The following RANBP2 variants were observed in gnomAD, a reference collection of about 807,000 sequenced individuals.
RANBP2 encodes E3 SUMO-protein ligase RanBP2.
Under a neutral mutation model 303.6 loss-of-function variants are expected in RANBP2, and 57 were observed. That is an observed-to-expected ratio of 0.19 (90% confidence interval 0.15 to 0.23). The LOEUF is 0.23. RANBP2 is among the 10% of genes least tolerant of loss of function. RANBP2 has a pLI of 1.00. For missense variants in RANBP2, 3,138 were observed against 3,780.8 expected, an observed-to-expected ratio of 0.83 and a Z score of 4.46; for synonymous variants, 1,167 against 1,301.5, an observed-to-expected ratio of 0.90 and a Z score of 2.23.
At chr2:109,682,188 GA>G in the RANBP2 span, among the ~76,000 whole-genome samples, 2 of 152,206 alleles carry the variant, frequency 1.3e-5, no homozygotes, top group Non-Finnish European at 2.9e-5. Context: ...TTCCTGTTGG[GA>G]AAAAGGAAAA....
chr2:109,355,960 C>T, the RANBP2 span, among the ~76,000 whole-genome samples: 2 of 152,146 alleles, frequency 1.3e-5, no homozygotes, highest in Non-Finnish European at 2.9e-5. Context: ...GCCATTGTTT[C>T]CCTGGTCCTG....
Position 108,754,119 on chromosome 2 carries a change from T to G in RANBP2, c.2202+148T>G, listed in dbSNP as rs181372781. 7.1e-3 allele frequency: 11,238 copies of G among 1,582,872 alleles called. 95 individuals are homozygous for G. Among genetic ancestry groups the G allele is most frequent in the East Asian group, 0.033 (1,472 of 44,376 alleles). ...AGGGATATGTGTGTCTAAATGCTTATATTTGCTTGCTTTGTCTTAGGTTTG... is the reference window on the plus strand; with the variant it reads ...AGGGATATGTGTGTCTAAATGCTTAGATTTGCTTGCTTTGTCTTAGGTTTG... On this transcript the variant is annotated intron_variant, in intron 15 of 28. Transcript: ENST00000283195.
chr2:109,719,007 TAAAA>T, the RANBP2 span, among the ~76,000 whole-genome samples: 1 of 22,608 alleles, frequency 4.4e-5, no homozygotes, highest in Non-Finnish European at 1.3e-4. Context: ...AGACTCCATC[TAAAA>T]AAAAAAAAAA....
chr2:109,457,931 T>C, the RANBP2 span, among the ~76,000 whole-genome samples: 2 of 152,154 alleles, frequency 1.3e-5, no homozygotes, highest in African/African-American at 4.8e-5. Flanking sequence ...CCACAGCACT[T>C]GCCAGCACTC....
chr2:109,076,829 T>C, the RANBP2 span, among the ~76,000 whole-genome samples: 3 of 150,612 alleles, frequency 2.0e-5, no homozygotes, highest in Non-Finnish European at 4.5e-5. Flanking sequence ...CAAAGTGACC[T>C]ACATGTTGAA....
intron 7 of RANBP2, among the ~76,000 whole-genome samples, chr2:108,741,055 A>G (rs577238997): frequency 7.9e-5 from 12 of 152,338 alleles, no homozygotes; most frequent in African/African-American, 2.6e-4. Flanking sequence ...ATGTAGGGCA[A>G]TGGCTTTATA....
At chr2:109,170,553 C>T in the RANBP2 span, among the ~76,000 whole-genome samples, 3 of 151,972 alleles carry the variant, frequency 2.0e-5, no homozygotes, top group African/African-American at 7.3e-5. Context: ...ACTATGTTGG[C>T]CAGGATGGTC....
the RANBP2 span, among the ~76,000 whole-genome samples, chr2:109,314,821 C>G: frequency 3.9e-5 from 6 of 152,140 alleles, no homozygotes; most frequent in Non-Finnish European, 8.8e-5. Flanking sequence ...ATATTTCTGT[C>G]TAGTGAATAG....
the RANBP2 span, among the ~76,000 whole-genome samples, chr2:109,662,517 T>C: frequency 0.31 from 47,642 of 151,876 alleles, 8,383 homozygotes; most frequent in East Asian, 0.52. Context: ...GATTTTGTAT[T>C]TTGTATTTTT....
the RANBP2 span, among the ~76,000 whole-genome samples, chr2:109,200,626 G>A: frequency 1.3e-5 from 2 of 152,156 alleles, no homozygotes; most frequent in African/African-American, 2.4e-5. Context: ...AAGTGAGCTT[G>A]TCCCAGCAGC....
the RANBP2 span, among the ~76,000 whole-genome samples, chr2:109,573,425 T>C: frequency 2.6e-5 from 4 of 152,238 alleles, no homozygotes; most frequent in African/African-American, 9.6e-5. Context: ...GACTCAACTA[T>C]GAAAACAACT....
At chr2:109,717,272 C>CAAAAA in the RANBP2 span, among the ~76,000 whole-genome samples, 4 of 124,772 alleles carry the variant, frequency 3.2e-5, no homozygotes, top group Non-Finnish European at 1.6e-5. Flanking sequence ...AAAAACAAAC[C>CAAAAA]AAAAAAAAAA....
At chr2:109,145,198 C>A in the RANBP2 span, among the ~76,000 whole-genome samples, 1 of 152,200 alleles carries the variant, frequency 6.6e-6, no homozygotes, top group Non-Finnish European at 1.5e-5. Flanking sequence ...GCTTCTGAGA[C>A]AGAGCCGTGT....
the RANBP2 span, among the ~76,000 whole-genome samples, chr2:108,814,673 ATT>A: frequency 1.4e-5 from 2 of 141,804 alleles, no homozygotes; most frequent in Non-Finnish European, 3.1e-5. Flanking sequence ...AATATTTTTA[ATT>A]TTTTTTTTTT....
the RANBP2 span, among the ~76,000 whole-genome samples, chr2:108,915,811 C>A: frequency 6.6e-6 from 1 of 152,046 alleles, no homozygotes; most frequent in Non-Finnish European, 1.5e-5. Context: ...GCAAGAGAAT[C>A]GCTGGAACCC....
the RANBP2 span, among the ~76,000 whole-genome samples, chr2:109,027,062 T>C: frequency 2.0e-5 from 3 of 152,056 alleles, no homozygotes; most frequent in Non-Finnish European, 4.4e-5. Context: ...TGGTGCGTGG[T>C]GAAATCCCAT....
the RANBP2 span, chr2:109,502,779 T>C: frequency 1.3e-5 from 2 of 152,234 alleles, no homozygotes; most frequent in African/African-American, 4.8e-5. Context: ...AATCTTCCCT[T>C]TATTGCCTCA....
chr2:108,930,880 AT>A, the RANBP2 span: 1 of 1,479,830 alleles, frequency 6.8e-7, no homozygotes, highest in Non-Finnish European at 9.4e-7. Flanking sequence ...CAGCATTCCC[AT>A]TTTACAGCTG....
At chr2:108,991,389 T>C in the RANBP2 span, among the ~76,000 whole-genome samples, 6 of 152,236 alleles carry the variant, frequency 3.9e-5, no homozygotes, top group Non-Finnish European at 7.3e-5. Flanking sequence ...AGGTTATCAA[T>C]AGCATTTTTT....
Sources: gnomAD v4.1 joint callset for allele counts (sites outside exome capture counted in the v4.1 genomes callset) on GRCh38, gnomAD v4.1.1 for gene constraint, MANE v1.5 for transcripts, NCBI Gene and HGNC (gene_info 2026-07-23, HGNC 2026-07-21) for gene names.